CAT: variants seen among roughly 807,000 people sequenced by gnomAD.
CAT encodes the protein epididymis secretory sperm binding protein.
A neutral mutation model predicts 59.0 loss-of-function variants in CAT; 43 were observed. The observed-to-expected ratio is 0.73, with a 90% CI of 0.57 to 0.94. The LOEUF (loss-of-function observed/expected upper bound fraction) is 0.94, where lower values mean the gene tolerates loss of function less well. Ranked by LOEUF, CAT falls within the 40% of genes least tolerant of loss-of-function variation. CAT has a pLI of 0.00. For missense variants in CAT, 664 were observed against 682.9 expected, an observed-to-expected ratio of 0.97 and a Z score of 0.31; for synonymous variants, 218 against 230.9, an observed-to-expected ratio of 0.94 and a Z score of 0.51.
At chr11:34,467,956 C>G (rs1856737897) in intron 10 of CAT, among the ~76,000 whole-genome samples, 1 of 151,990 alleles carries the variant, frequency 6.6e-6, no homozygotes, top group Non-Finnish European at 1.5e-5. Flanking sequence ...AGGTATTGTG[C>G]TAAGTTTACA....
rs745533600 is a variant in CAT at position 34,456,783 on chromosome 11, C to T, written c.1022C>T (p.Pro341Leu). 1 of 1,614,230 alleles carries T rather than the reference C, an allele frequency of 6.2e-7. No individual in the cohort carries two copies. Among genetic ancestry groups the T allele is most frequent in the Non-Finnish European group, 8.5e-7 (1 of 1,180,036 alleles). ...GCCTTCGACCCAAGCAACATGCCAC[C>T]TGGCATTGAGGCCAGTCCTGACAAA... ...QIAFDPSNMPPGIEASPDKML... is the reference protein window; with the variant it reads ...QIAFDPSNMPLGIEASPDKML... Residue 341 changes from proline (P) to leucine (L), a missense_variant, in exon 8 of 13, where the codon CCT becomes CTT. Coordinates refer to ENST00000241052, the MANE Select transcript of CAT (RefSeq NM_001752.4).
chr11:34,471,210 A>ACAAG (rs1271024110), intron 12 of CAT, among the ~76,000 whole-genome samples, 158 bp from the exon 13 acceptor site: 46 of 152,378 alleles, frequency 3.0e-4, no homozygotes, highest in African/African-American at 1.0e-3. Context: ...TTCACTGGCA[A>ACAAG]AACACATACT....
rs368296215 is a variant in CAT, at chr11:34,461,404, G to A, written c.1195+15G>A. 3.7e-6 allele frequency: 6 copies of A among 1,614,116 alleles called. No homozygotes were observed. Among genetic ancestry groups the A allele is most frequent in the African/African-American group, 1.3e-5 (1 of 75,038 alleles). The stretch of plus-strand genomic sequence containing the variant: ...GGACAATCAGGGTAGGCCTAAAGAC[G>A]TTGGGCTCCCCCTGCGTGGGCAGAG... On this transcript the variant is annotated intron_variant, in intron 9 of 12. Coordinates refer to ENST00000241052, the MANE Select transcript of CAT (RefSeq NM_001752.4).
chr11:34,471,465 T>C lies in CAT; in HGVS notation c.*32T>C. 1 of 1,593,288 alleles carries C rather than the reference T, an allele frequency of 6.3e-7. No homozygotes were observed. On this transcript the variant is annotated 3_prime_UTR_variant, in exon 13 of 13. Coordinates refer to ENST00000241052, the MANE Select transcript of CAT (RefSeq NM_001752.4). ...GGCCCTGCACCTGTGCAGCGAAGCT[T>C]AGCGTTCATCCGTGTAACCCGCTCA... is the stretch of plus-strand genomic sequence containing the variant.
At chr11:34,451,822 TC>T (rs1856526615) in intron 3 of CAT, among the ~76,000 whole-genome samples, 1 of 152,262 alleles carries the variant, frequency 6.6e-6, no homozygotes, top group South Asian at 2.1e-4. Context: ...AACAAAGTTA[TC>T]TTATTATGGT....
Position 34,463,971 on chromosome 11 carries a change from G to A in CAT, c.1196-134G>A, listed in dbSNP as rs17886155. On this transcript the variant is annotated intron_variant, in intron 9 of 12. Coordinates refer to ENST00000241052, the MANE Select transcript of CAT (RefSeq NM_001752.4). ...GGGAAATTAAAAATAATATGTGTGC[G>A]TTGTGTTTATATCTGTGTATGTGTA... The A allele has an allele frequency of 1.3e-3, 1,175 of 888,912 alleles. 5 individuals are homozygous for A. The highest frequency in any genetic ancestry group is 0.013 in the African/African-American group (788 of 61,024). The allele number at this position is 888,912 out of a possible 1,614,324, so 55.1% of individuals were successfully genotyped here. A position where few individuals can be genotyped will look rare whatever the true frequency, so the allele number is the denominator to read the frequency against.
intron 8 of CAT, chr11:34,457,065 T>C: frequency 3.9e-6 from 2 of 519,136 alleles, no homozygotes; most frequent in South Asian, 4.6e-5. Flanking sequence ...CAAGAATACT[T>C]ACTCTCTTAA....
intron 10 of CAT, among the ~76,000 whole-genome samples, chr11:34,466,582 C>A (rs1451091492): frequency 6.6e-6 from 1 of 151,748 alleles, no homozygotes; most frequent in Non-Finnish European, 1.5e-5. Flanking sequence ...TCAAGACCAT[C>A]CTGGCTAACA....
chr11:34,470,317 G>C (rs2133861269), intron 11 of CAT, among the ~76,000 whole-genome samples: 1 of 152,296 alleles, frequency 6.6e-6, no homozygotes, highest in South Asian at 2.1e-4. Context: ...CGGAGCTTCT[G>C]TGCCTCCCTG....
At chr11:34,456,282 T>C in intron 7 of CAT, 80 bp downstream of exon 7, 1 of 1,086,212 alleles carries the variant, frequency 9.2e-7, no homozygotes, top group Admixed American at 2.0e-5. Context: ...GTCAAACAAT[T>C]ATAATAATGG....
At chr11:34,471,093 T>C (rs1247182543) in intron 12 of CAT, 52 bp downstream of exon 12, 1 of 1,456,770 alleles carries the variant, frequency 6.9e-7, no homozygotes, top group Non-Finnish European at 9.6e-7. Flanking sequence ...TGGGTTGGAG[T>C]AGGCATGACT....
intron 9 of CAT, 139 bp downstream of exon 9, chr11:34,461,528 C>G: frequency 1.0e-6 from 1 of 985,318 alleles, no homozygotes; most frequent in Non-Finnish European, 1.6e-6. Flanking sequence ...GTGCTGCTAA[C>G]TGGGCGCTTT....
rs764937602 is a variant in CAT at position 34,468,354 on chromosome 11, G to C, written c.1393G>C (p.Gly465Arg). The change falls in exon 11 of 13, where the codon GGC becomes CGC. Residue 465 changes from glycine (G) to arginine (R), a missense_variant. Gly to Arg is a moderately radical substitution (Grantham distance 125). Coordinates refer to ENST00000241052, the MANE Select transcript of CAT (RefSeq NM_001752.4). ...QRKRLCENIAGHLKDAQIFIQ... is the reference protein window; with the variant it reads ...QRKRLCENIARHLKDAQIFIQ... ...GAAACGTCTGTGTGAGAACATTGCC[G>C]GCCACCTGAAGGATGCACAAATTTT... is the stretch of plus-strand genomic sequence containing the variant. 7 of 1,613,932 alleles carry C rather than the reference G, an allele frequency of 4.3e-6. No homozygotes were observed. Among genetic ancestry groups the C allele is most frequent in the Non-Finnish European group, 5.9e-6 (7 of 1,179,924 alleles).
chr11:34,456,342 T>C, intron 7 of CAT, 140 bp downstream of exon 7: 1 of 701,616 alleles, frequency 1.4e-6, no homozygotes, highest in Non-Finnish European at 2.4e-6. Flanking sequence ...TGTCCTAAGC[T>C]GTGAATGAGT....
rs78622217 is a variant in CAT, at chr11:34,447,950, G to A, written c.67-1242G>A. Among the ~76,000 whole-genome samples the A allele has an allele frequency of 4.6e-3, 695 of 152,318 alleles. 6 individuals carry two copies. The highest frequency in any genetic ancestry group is 0.016 in the African/African-American group (659 of 41,556). On this transcript the variant is annotated intron_variant, in intron 1 of 12. Coordinates refer to ENST00000241052, the MANE Select transcript of CAT (RefSeq NM_001752.4). ...ACTCATAGTTTCTCCCTGCTGCCAT[G>A]TTGGCCTCTTCCTACTTGGATGAAG... is the stretch of plus-strand genomic sequence containing the variant.
chr11:34,471,263 G>T, intron 12 of CAT, 105 bp from the exon 13 acceptor site: 1 of 1,005,978 alleles, frequency 9.9e-7, no homozygotes, highest in Non-Finnish European at 1.6e-6. Context: ...TAAAGTGAAT[G>T]AATTCTGAAT....
chr11:34,451,894 T>C (rs1856527242), intron 3 of CAT, among the ~76,000 whole-genome samples, 183 bp from the exon 4 acceptor site: 2 of 152,224 alleles, frequency 1.3e-5, no homozygotes, highest in African/African-American at 4.8e-5. Flanking sequence ...AATTAATTAT[T>C]TTGTTTGATT....
intron 10 of CAT, 22 bp from the exon 11 acceptor site, chr11:34,468,266 A>G: frequency 6.5e-7 from 1 of 1,549,762 alleles, no homozygotes; most frequent in Non-Finnish European, 8.9e-7. Flanking sequence ...AATTCTCTGC[A>G]CTTGCTCTTT....
chr11:34,453,886 A>G lies in CAT; in HGVS notation c.671A>G (p.Asn224Ser), dbSNP rs1365385817. The change falls in exon 6 of 13, where the codon AAT (asparagine) becomes AGT (serine). Residue 224 changes from asparagine to serine, a missense_variant. Coordinates refer to ENST00000241052, the MANE Select transcript of CAT (RefSeq NM_001752.4). ...GGATCACATACTTTCAAGCTGGTTAATGCAAATGGGGAGGCAGTTTATTGC... is the reference window on the plus strand; with the variant it reads ...GGATCACATACTTTCAAGCTGGTTAGTGCAAATGGGGAGGCAGTTTATTGC... ...GYGSHTFKLV[N>S]ANGEAVYCKF... 3.7e-6 allele frequency: 6 copies of G among 1,613,920 alleles called. No homozygotes were observed. The Admixed American group carries it at 8.3e-5, about 22-fold the overall frequency.
Sources: gnomAD v4.1 joint callset for allele counts (sites outside exome capture counted in the v4.1 genomes callset) on GRCh38, gnomAD v4.1.1 for gene constraint, MANE v1.5 for transcripts, NCBI Gene and HGNC (gene_info 2026-07-23, HGNC 2026-07-21) for gene names.